The following TYK2 variants were observed in gnomAD, a reference collection of about 807,000 sequenced individuals.
TYK2 encodes the protein tyrosine kinase 2.
Under a neutral mutation model 130.9 loss-of-function variants are expected in TYK2, and 65 were observed. That is an observed-to-expected ratio of 0.50 (90% CI 0.41 to 0.61). The LOEUF (loss-of-function observed/expected upper bound fraction) is 0.61, where lower values mean the gene tolerates loss of function less well. Among genes scored for constraint, TYK2 ranks in the 20% least tolerant of loss-of-function variants. The pLI is 0.00. For missense variants in TYK2, 1,378 were observed against 1,610.7 expected (o/e 0.86, Z 2.47); for synonymous variants, 647 against 658.9 (o/e 0.98, Z 0.28).
In TYK2 at chr19:10,353,333, C is replaced by G; in HGVS notation, c.3027+195G>C. ...GAGGGCGAGTTGGGAGGGGCCGAGC[C>G]GGCTGTGCGTGGTCCCTTGGGAGGA... On this transcript the variant is annotated intron_variant, in intron 21 of 24. Transcript: ENST00000525621. The surrounding 1 kb of genome is among the most constrained non-coding windows in gnomAD (Gnocchi z 6.9). The G allele has an allele frequency of 5.3e-6, 3 of 568,642 alleles. No homozygotes were observed. The highest frequency in any genetic ancestry group is 2.9e-5 in the South Asian group (1 of 35,074). 35.2% of individuals were successfully genotyped at this position (568,642 alleles called of 1,614,324 possible).
In TYK2 at chr19:10,352,884, A is replaced by G. The variant is rs927823528; in HGVS notation, c.3200+42T>C. ...CGTCTACTCCACCCTGCCTGTTCCAAGTGACCCCAGCACCCCCTCAGACTG... is the reference window on the plus strand; with the variant it reads ...CGTCTACTCCACCCTGCCTGTTCCAGGTGACCCCAGCACCCCCTCAGACTG... On this transcript the variant is annotated intron_variant, in intron 22 of 24. Coordinates refer to ENST00000525621, the MANE Select transcript of TYK2 (RefSeq NM_003331.5). 5.2e-6 allele frequency: 8 copies of G among 1,545,506 alleles called. No homozygotes were observed. The African/African-American group carries it at 6.8e-5, about 13-fold the overall frequency.
chr19:10,361,578 G>A lies in TYK2; in HGVS notation c.1980C>T (p.Ser660=), dbSNP rs369428545. The change falls in exon 14 of 25, where the codon AGC becomes AGT. Residue 660 remains serine (S), a synonymous_variant. Transcript: ENST00000525621. This position sits in a 1 kb window ranked among gnomAD's most constrained non-coding sequence, Gnocchi z 4.0. ...GCGTGTGGGAGACCTGGCTCATGAG[G>A]CTGGCTGTCTCGTAGAAGGCCTGTG... is the stretch of plus-strand genomic sequence containing the variant. ...DIALAFYETA[S]LMSQVSHTHL... is the part of the protein sequence containing the mutation. The A allele has an allele frequency of 2.7e-5, 42 of 1,549,096 alleles. No homozygotes were observed. The African/African-American group carries it at 4.9e-4, about 18-fold the overall frequency.
chr19:10,372,864 C>T (rs1251408235), intron 3 of TYK2, among the ~76,000 whole-genome samples: 1 of 151,814 alleles, frequency 6.6e-6, no homozygotes, highest in African/African-American at 2.4e-5. Context: ...GGGAGGATAC[C>T]TCCCTGTGAA....
chr19:10,369,173 A>G (rs942657843), intron 3 of TYK2, among the ~76,000 whole-genome samples: 1 of 152,074 alleles, frequency 6.6e-6, no homozygotes, highest in African/African-American at 2.4e-5. Context: ...AACTAATCCT[A>G]GCCTGACCCA....
At chr19:10,377,635 G>GGTGGATGA (rs2042195517) in intron 3 of TYK2, among the ~76,000 whole-genome samples, 1 of 43,462 alleles carries the variant, frequency 2.3e-5, no homozygotes, top group African/African-American at 1.0e-4. Flanking sequence ...TGGGTGGGTG[G>GGTGGATGA]ATGGATGGGT....
chr19:10,380,546 C>A lies in TYK2; in HGVS notation c.-352G>T, dbSNP rs978237517. 7.2e-5 allele frequency: 11 copies of A among 152,504 alleles called. No individual in the cohort carries two copies. The highest frequency in any genetic ancestry group is 2.7e-4 in the African/African-American group (11 of 41,480). 9.4% of individuals were successfully genotyped at this position (152,504 alleles called of 1,614,324 possible). On this transcript the variant is annotated 5_prime_UTR_variant, in exon 1 of 25. Transcript: ENST00000525621. The stretch of plus-strand genomic sequence containing the variant: ...AACACAAGCTCGAACCCGGACCCCT[C>A]CCCGCTCCCGCGGGTAGCTACTGCT...
chr19:10,375,172 GAA>G (rs908085820), intron 3 of TYK2, among the ~76,000 whole-genome samples: 1 of 114,566 alleles, frequency 8.7e-6, no homozygotes. Context: ...CTCTACGAAA[GAA>G]AAAAAAAAAA....
rs1455775839 is a variant in TYK2 at position 10,361,077 on chromosome 19, C to T, written c.2047+434G>A. ...TATACAAGGAGTTTTGAGCTACCTG[C>T]AGAGGAAAGGAAGAGGTGGGGTTAG... is the stretch of plus-strand genomic sequence containing the variant. On this transcript the variant is annotated intron_variant, in intron 14 of 24. Coordinates refer to ENST00000525621, the MANE Select transcript of TYK2 (RefSeq NM_003331.5). The surrounding 1 kb of genome is among the most constrained non-coding windows in gnomAD (Gnocchi z 4.0). 2 of 469,032 alleles carry T rather than the reference C, an allele frequency of 4.3e-6. No homozygotes were observed. Among genetic ancestry groups the T allele is most frequent in the Non-Finnish European group, 8.4e-6 (2 of 236,938 alleles). The allele number at this position is 469,032 out of a possible 1,614,324, so 29.1% of individuals were successfully genotyped here.
rs759309240 is a variant in TYK2 at position 10,352,521 on chromosome 19, C to T, written c.3231G>A (p.Lys1077=). Residue 1077 remains lysine (K), a synonymous_variant, in exon 23 of 25, where the codon AAG becomes AAA. Coordinates refer to ENST00000525621, the MANE Select transcript of TYK2 (RefSeq NM_003331.5). ...ACCAGACATCTGACGCATAGTAGAA[C>T]TTATACTCCTTCAGGCACTCTGGGG... The part of the protein sequence containing the change: ...WYAPECLKEY[K]FYYASDVWSF... 3.1e-6 allele frequency: 5 copies of T among 1,587,532 alleles called. No homozygotes were observed. Among genetic ancestry groups the T allele is most frequent in the African/African-American group, 1.3e-5 (1 of 74,312 alleles).
chr19:10,351,287 G>C, intron 23 of TYK2, 125 bp from the exon 24 acceptor site: 1 of 708,926 alleles, frequency 1.4e-6, no homozygotes, highest in Non-Finnish European at 2.5e-6. Flanking sequence ...AGGAGTTCGA[G>C]ACCAGCCTGG....
At position 10,366,437 on chromosome 19, in the gene TYK2, C is replaced by A. The variant is rs2041669490; in HGVS notation, c.609G>T (p.Glu203Asp). Residue 203 changes from glutamate (E) to aspartate (D), a missense_variant, in exon 6 of 25, where the codon GAG becomes GAT. Coordinates refer to ENST00000525621, the MANE Select transcript of TYK2 (RefSeq NM_003331.5). ...GACACCTGGTCTTCTTGGCCACCTC[C>A]TCCAGGGGGATGCCATGGCGGAGAG... ...HLALRHGIPL[E>D]EVAKKTSFKD... The A allele has an allele frequency of 1.9e-6, 3 of 1,614,090 alleles. No individual in the cohort carries two copies. The highest frequency in any genetic ancestry group is 2.5e-6 in the Non-Finnish European group (3 of 1,179,970).
At position 10,362,473 on chromosome 19, in the gene TYK2, G is replaced by A; in HGVS notation, c.1477-17C>T. On this transcript the variant is annotated splice_polypyrimidine_tract_variant and intron_variant, in intron 10 of 24. Coordinates refer to ENST00000525621, the MANE Select transcript of TYK2 (RefSeq NM_003331.5). ...GTCTGGTGCCTGGCAGGAGGTGGCAGAGGTGGGAGCAGTAAGCAGGGGACC... is the reference window on the plus strand; with the variant it reads ...GTCTGGTGCCTGGCAGGAGGTGGCAAAGGTGGGAGCAGTAAGCAGGGGACC... 6.3e-7 allele frequency: 1 copy of A among 1,583,876 alleles called. No homozygotes were observed. The highest frequency in any genetic ancestry group is 1.3e-5 in the African/African-American group (1 of 74,484).
At chr19:10,365,378 C>G (rs2041610602) in intron 7 of TYK2, 139 bp downstream of exon 7, 1 of 1,334,972 alleles carries the variant, frequency 7.5e-7, no homozygotes, top group South Asian at 1.2e-5. Context: ...AAGAAACTGG[C>G]CCTAGCGGAC....
In TYK2 at chr19:10,362,078, C is replaced by T. The variant is rs926820721; in HGVS notation, c.1773G>A (p.Gln591=). Reference sequence around the variant, plus strand: ...CCCCGGGCCCCTTCCCTGCACCCACCTGGGTGATCTCCTTCTGGTCAACCC... The same window carrying T: ...CCCCGGGCCCCTTCCCTGCACCCACTTGGGTGATCTCCTTCTGGTCAACCC... ...FHRVDQKEIT[Q]LSHLGQGTRT... is the part of the protein sequence containing the mutation. Residue 591 remains glutamine, a splice_region_variant and synonymous_variant, in exon 12 of 25, where the codon CAG becomes CAA. Coordinates refer to ENST00000525621, the MANE Select transcript of TYK2 (RefSeq NM_003331.5). The T allele has an allele frequency of 1.9e-5, 31 of 1,614,138 alleles. No individual in the cohort carries two copies. The highest frequency in any genetic ancestry group is 2.5e-5 in the Non-Finnish European group (30 of 1,180,012).
At chr19:10,370,586 G>A (rs2041873097) in intron 3 of TYK2, among the ~76,000 whole-genome samples, 1 of 151,884 alleles carries the variant, frequency 6.6e-6, no homozygotes, top group Non-Finnish European at 1.5e-5. Context: ...CGGAAGCTGA[G>A]GCAGGTGAAG....
chr19:10,371,114 C>A (rs920330096), intron 3 of TYK2, among the ~76,000 whole-genome samples: 2 of 151,796 alleles, frequency 1.3e-5, no homozygotes, highest in Non-Finnish European at 2.9e-5. Context: ...TACAGGCGCA[C>A]GCCACCATGC....
At position 10,353,962 on chromosome 19, in the gene TYK2, G is replaced by T; in HGVS notation, c.2908+80C>A. 1.4e-6 allele frequency: 2 copies of T among 1,464,832 alleles called. No individual in the cohort carries two copies. Among genetic ancestry groups the T allele is most frequent in the South Asian group, 2.3e-5 (2 of 86,890 alleles). The allele number at this position is 1,464,832 out of a possible 1,614,324, so 90.7% of individuals were successfully genotyped here. A position where few individuals can be genotyped will look rare whatever the true frequency, so the allele number is the denominator to read the frequency against. On this transcript the variant is annotated intron_variant, in intron 20 of 24. Coordinates refer to ENST00000525621, the MANE Select transcript of TYK2 (RefSeq NM_003331.5). This position sits in a 1 kb window ranked among gnomAD's most constrained non-coding sequence, Gnocchi z 6.9. ...TGAGAGTCTCTAATTGGCTAGGCCA[G>T]ACTGGCCCCGCCCACAAGGCCACAC... is the stretch of plus-strand genomic sequence containing the variant.
In TYK2 at chr19:10,353,027, G is replaced by C; in HGVS notation, c.3099C>G (p.Asn1033Lys). 6.2e-7 allele frequency: 1 copy of C among 1,602,712 alleles called. No individual in the cohort carries two copies. The highest frequency in any genetic ancestry group is 8.5e-7 in the Non-Finnish European group (1 of 1,174,214). The change falls in exon 22 of 25, where the codon AAC becomes AAG. Residue 1033 changes from asparagine (N) to lysine (K), a missense_variant. Physicochemically the swap from Asn to Lys is moderately conservative, Grantham distance 94. Coordinates refer to ENST00000525621, the MANE Select transcript of TYK2 (RefSeq NM_003331.5). The surrounding 1 kb of genome is among the most constrained non-coding windows in gnomAD (Gnocchi z 6.9). ...AGTCCCCGATCTTGACCAGCCTGTC[G>C]TTGTCCAGCAGCACGTTGCGCGCGG... Reference protein sequence around the residue: ...DLAARNVLLDNDRLVKIGDFG... With the variant: ...DLAARNVLLDKDRLVKIGDFG...
At chr19:10,362,018 C>T in intron 12 of TYK2, 60 bp downstream of exon 12, 1 of 1,613,224 alleles carries the variant, frequency 6.2e-7, no homozygotes, top group South Asian at 1.1e-5. Context: ...CTCCCAGGGC[C>T]CCCAGCACCC....
Sources: allele counts gnomAD v4.1 joint callset (sites outside exome capture counted in the v4.1 genomes callset), GRCh38; gene constraint gnomAD v4.1.1; non-coding constraint Gnocchi (gnomAD v3.1); transcripts MANE v1.5; gene names NCBI Gene and HGNC (gene_info 2026-07-23, HGNC 2026-07-21).